GRID2: variants seen among roughly 807,000 people sequenced by gnomAD.
GRID2 encodes glutamate receptor ionotropic, delta-2.
Under a neutral mutation model 114.8 loss-of-function variants are expected in GRID2, and 33 were observed. The observed-to-expected ratio is 0.29, with a 90% CI of 0.22 to 0.38. GRID2 has a LOEUF of 0.38. GRID2 is among the 10% of genes least tolerant of loss of function. GRID2 has a pLI of 1.00. For synonymous variants in GRID2, 505 were observed against 449.9 expected (o/e 1.12, Z -1.55); for missense variants, 1,184 against 1,257.7 (o/e 0.94, Z 0.89).
At chr4:92,889,028 T>C (rs930620487) in intron 2 of GRID2, among the ~76,000 whole-genome samples, 1 of 152,184 alleles carries the variant, frequency 6.6e-6, no homozygotes, top group African/African-American at 2.4e-5. Flanking sequence ...GTTGTTGTTG[T>C]ACTGAATGCT....
In GRID2 at chr4:93,337,448, A is replaced by T. The variant is rs570906143; in HGVS notation, c.1246-58159A>T. On this transcript the variant is annotated intron_variant, in intron 8 of 15. Transcript: ENST00000282020. Reference sequence around the variant, plus strand: ...AGGAGCCCACATGAATGTTGAACACATCACAGATTTGCATTATCGCTGAGG... The same window carrying T: ...AGGAGCCCACATGAATGTTGAACACTTCACAGATTTGCATTATCGCTGAGG... Among the ~76,000 whole-genome samples, 61 of 152,318 alleles carry T rather than the reference A, an allele frequency of 4.0e-4. 2 individuals carry two copies. In the South Asian group the frequency reaches 0.012, roughly 31 times the overall value.
At chr4:92,340,674 G>C (rs1186069675) in intron 1 of GRID2, among the ~76,000 whole-genome samples, 1 of 152,128 alleles carries the variant, frequency 6.6e-6, no homozygotes, top group Non-Finnish European at 1.5e-5. Flanking sequence ...GATCACCCCT[G>C]TCTAGACGCT....
intron 4 of GRID2, among the ~76,000 whole-genome samples, chr4:93,173,868 C>T (rs979708456): frequency 3.9e-5 from 6 of 152,116 alleles, no homozygotes; most frequent in East Asian, 1.9e-4. Context: ...TGAGTTCAAG[C>T]GATCTGCCTG....
chr4:93,031,766 A>G (rs1487146792), intron 2 of GRID2, among the ~76,000 whole-genome samples: 2 of 151,168 alleles, frequency 1.3e-5, no homozygotes, highest in Non-Finnish European at 2.9e-5. Context: ...TTAATAAATT[A>G]CCCAGTCTTA....
At chr4:93,333,070 T>C (rs551231749) in intron 8 of GRID2, among the ~76,000 whole-genome samples, 43 of 152,306 alleles carry the variant, frequency 2.8e-4, no homozygotes, top group African/African-American at 7.7e-4. Flanking sequence ...TGTTAGCTTC[T>C]GGGTGCTCTA....
intron 2 of GRID2, among the ~76,000 whole-genome samples, chr4:92,719,186 C>G (rs1049821851): frequency 3.3e-5 from 5 of 151,970 alleles, no homozygotes; most frequent in Non-Finnish European, 7.4e-5. Flanking sequence ...AGGATTTCAT[C>G]ATGTTGGGTA....
chr4:93,630,672 G>C (rs558027113), intron 14 of GRID2, among the ~76,000 whole-genome samples: 50 of 152,250 alleles, frequency 3.3e-4, no homozygotes, highest in Middle Eastern at 6.8e-3. Context: ...ATTCATGATA[G>C]TGACACATAT....
At position 93,608,144 on chromosome 4, in the gene GRID2, G is replaced by A. The variant is rs545843440; in HGVS notation, c.2194-18125G>A. Among the ~76,000 whole-genome samples the A allele has an allele frequency of 1.1e-4, 17 of 149,010 alleles. No homozygotes were observed. In the South Asian group the frequency reaches 3.4e-3, roughly 30 times the overall value. On this transcript the variant is annotated intron_variant, in intron 13 of 15. Coordinates refer to ENST00000282020, the MANE Select transcript of GRID2 (RefSeq NM_001510.4). ...TATGTGTATATATATACGTCTATGT[G>A]TATACATATATACACATATGTATTC...
chr4:93,730,407 G>T (rs142106258), intron 14 of GRID2, among the ~76,000 whole-genome samples: 10 of 152,244 alleles, frequency 6.6e-5, no homozygotes, highest in African/African-American at 2.2e-4. Context: ...TAAGTGTGGA[G>T]CTCAGCTGTG....
intron 14 of GRID2, among the ~76,000 whole-genome samples, chr4:93,715,432 A>G (rs1316786075): frequency 6.6e-6 from 1 of 152,192 alleles, no homozygotes; most frequent in Non-Finnish European, 1.5e-5. Context: ...GTCGTTCCAT[A>G]TGAATTTTCA....
intron 10 of GRID2, among the ~76,000 whole-genome samples, chr4:93,428,983 C>T: frequency 6.6e-6 from 1 of 152,096 alleles, no homozygotes; most frequent in East Asian, 1.9e-4. Context: ...ACACAGATAT[C>T]AAGTGTTACT....
At chr4:93,619,603 T>G (rs556163351) in intron 13 of GRID2, among the ~76,000 whole-genome samples, 1 of 152,346 alleles carries the variant, frequency 6.6e-6, no homozygotes, top group East Asian at 1.9e-4. Context: ...TATTCAAGCT[T>G]TATTTTAATT....
intron 4 of GRID2, among the ~76,000 whole-genome samples, chr4:93,132,595 G>T (rs970357836): frequency 1.3e-5 from 2 of 152,172 alleles, no homozygotes; most frequent in Non-Finnish European, 2.9e-5. Flanking sequence ...CTCTTTAGAA[G>T]AAATGAACTT....
chr4:92,927,407 C>A (rs1012962489), intron 2 of GRID2, among the ~76,000 whole-genome samples: 9 of 151,770 alleles, frequency 5.9e-5, no homozygotes, highest in Non-Finnish European at 4.4e-5. Context: ...GGAATCATAG[C>A]CAGTGTGTCA....
intron 2 of GRID2, among the ~76,000 whole-genome samples, chr4:92,689,162 T>G (rs1734061648): frequency 6.6e-6 from 1 of 152,208 alleles, no homozygotes; most frequent in Admixed American, 6.5e-5. Context: ...CTTTGTTCCA[T>G]TTATAGGCAA....
chr4:93,501,250 T>C (rs1365119146), intron 12 of GRID2, among the ~76,000 whole-genome samples: 1 of 152,052 alleles, frequency 6.6e-6, no homozygotes, highest in Non-Finnish European at 1.5e-5. Context: ...AAACCCAAAA[T>C]GGTATGCTCT....
intron 13 of GRID2, among the ~76,000 whole-genome samples, chr4:93,523,644 G>C (rs1282223109): frequency 1.3e-5 from 2 of 152,108 alleles, no homozygotes; most frequent in African/African-American, 4.8e-5. Flanking sequence ...ATGAGTGTAG[G>C]TTGGCAGGAG....
At chr4:92,314,348 A>G (rs375939885) in intron 1 of GRID2, among the ~76,000 whole-genome samples, 17 of 152,144 alleles carry the variant, frequency 1.1e-4, no homozygotes, top group African/African-American at 3.4e-4. Context: ...CAATATTTCT[A>G]TTCTGTTAGT....
intron 2 of GRID2, among the ~76,000 whole-genome samples, chr4:92,676,805 A>G (rs552250016): frequency 1.3e-5 from 2 of 152,308 alleles, no homozygotes; most frequent in East Asian, 3.9e-4. Flanking sequence ...CATGGCCTCA[A>G]ATAGATGCTT....
Sources: allele counts gnomAD v4.1 joint callset (sites outside exome capture counted in the v4.1 genomes callset), GRCh38; gene constraint gnomAD v4.1.1; transcripts MANE v1.5; gene names NCBI Gene and HGNC (gene_info 2026-07-23, HGNC 2026-07-21).